The following RBBP8NL variants were observed in gnomAD, a reference collection of about 807,000 sequenced individuals.
RBBP8NL encodes RBBP8 N-terminal like, also known as RBBP8 N-terminal-like protein.
RBBP8NL carries 59 observed loss-of-function variants against 62.2 expected under a neutral mutation model. The ratio of observed to expected loss-of-function variants is 0.95; its 90% CI spans 0.77 to 1.18. The LOEUF is 1.18. RBBP8NL is among the 50% of genes most tolerant of loss of function. The probability of loss-of-function intolerance (pLI) is 0.00; values close to 1 mark genes in which losing one functional copy is unlikely to be tolerated. For missense variants in RBBP8NL, 896 were observed against 899.5 expected, an observed-to-expected ratio of 1.00 and a Z score of 0.05; for synonymous variants, 412 against 394.1, an observed-to-expected ratio of 1.05 and a Z score of -0.54.
intron 13 of RBBP8NL, among the ~76,000 whole-genome samples, chr20:62,411,578 A>G (rs1988435706): frequency 6.6e-6 from 1 of 152,222 alleles, no homozygotes; most frequent in African/African-American, 2.4e-5. Context: ...CAGGGTCATA[A>G]GGCTCACAGG....
chr20:62,410,760 GTCT>G lies in RBBP8NL; in HGVS notation c.*115_*117del. 6 of 718,204 alleles carry G rather than the reference GTCT, an allele frequency of 8.4e-6. No homozygotes were observed. In the South Asian group the frequency reaches 1.0e-4, roughly 12 times the overall value. The allele number at this position is 718,204 out of a possible 1,614,324, so 44.5% of individuals were successfully genotyped here. A position where few individuals can be genotyped will look rare whatever the true frequency, so the allele number is the denominator to read the frequency against. ...TGTGGGTTCAGCTGAGGCTGGCTAG[GTCT>G]TCTCCCAGGGTTCTGTGCAGGGCTG... On this transcript the variant is annotated 3_prime_UTR_variant, in exon 14 of 14. Coordinates refer to ENST00000252998, the MANE Select transcript of RBBP8NL (RefSeq NM_080833.3).
chr20:62,414,921 A>G (rs1988527463), intron 9 of RBBP8NL, among the ~76,000 whole-genome samples, 200 bp downstream of exon 9: 1 of 152,168 alleles, frequency 6.6e-6, no homozygotes, highest in Non-Finnish European at 1.5e-5. Context: ...CAATGTCCAC[A>G]TCCCCTGCCC....
In RBBP8NL at chr20:62,415,643, T is replaced by C; in HGVS notation, c.562A>G (p.Arg188Gly). 6.2e-7 allele frequency: 1 copy of C among 1,612,984 alleles called. No individual in the cohort carries two copies. Among genetic ancestry groups the C allele is most frequent in the South Asian group, 1.1e-5 (1 of 91,088 alleles). ...LRGEEKPAGH[R>G]TSPVAKISPG... ...GAGATTTTGGCCACTGGAGATGTCC[T>C]GTGCCCTGCTGGCTTTTCTGTGGGA... Residue 188 changes from arginine to glycine, a missense_variant, in exon 8 of 14, where the codon AGG (arginine) becomes GGG (glycine). Transcript: ENST00000252998.
chr20:62,417,181 C>T (rs1428268684), intron 4 of RBBP8NL, 43 bp downstream of exon 4: 1 of 1,464,168 alleles, frequency 6.8e-7, no homozygotes, highest in Non-Finnish European at 9.4e-7. Flanking sequence ...TCTCCTGAGC[C>T]CACCGGTCCT....
At chr20:62,426,420 A>G (rs1351411739) in intron 1 of RBBP8NL, among the ~76,000 whole-genome samples, 1 of 152,192 alleles carries the variant, frequency 6.6e-6, no homozygotes, top group Admixed American at 6.5e-5. Flanking sequence ...TGGAACACCC[A>G]CTGCATAGCT....
rs374565784 is a variant in RBBP8NL, at chr20:62,416,204, C to T, written c.346G>A (p.Glu116Lys). The change falls in exon 6 of 14, where the codon GAG (glutamate) becomes AAG (lysine). Residue 116 changes from glutamate (E) to lysine (K), a missense_variant. Glu to Lys is a moderately conservative substitution (Grantham distance 56). Coordinates refer to ENST00000252998, the MANE Select transcript of RBBP8NL (RefSeq NM_080833.3). ...NEMNGLKEENETLKEEVKRLR... is the reference protein window; with the variant it reads ...NEMNGLKEENKTLKEEVKRLR... ...CGCTTCACCTCCTCCTTCAAGGTCT[C>T]GTTCTCTTCCTTCAGCCCGTTCATC... 52 of 1,599,844 alleles carry T rather than the reference C, an allele frequency of 3.3e-5. 1 individual carries two copies. Among genetic ancestry groups the T allele is most frequent in the Admixed American group, 3.2e-4 (19 of 59,358 alleles).
intron 1 of RBBP8NL, among the ~76,000 whole-genome samples, chr20:62,426,017 CGGCAGT>C (rs1988797931): frequency 3.5e-5 from 2 of 56,762 alleles, no homozygotes; most frequent in South Asian, 7.9e-4. Context: ...GCAGTGGCAG[CGGCAGT>C]GGCATTAGCA....
rs1988578892 is a variant in RBBP8NL at position 62,416,823 on chromosome 20, TG to T, written c.249del (p.Arg84GlyfsTer25). 6.3e-7 allele frequency: 1 copy of T among 1,586,710 alleles called. No individual in the cohort carries two copies. The highest frequency in any genetic ancestry group is 1.3e-5 in the African/African-American group (1 of 74,352). ...CTCTCGAACTCCTGCTGCCGCTTCCTGGCCAGCTCCTGGGTGACCATGCAGC... is the reference window on the plus strand; with the variant it reads ...CTCTCGAACTCCTGCTGCCGCTTCCTGCCAGCTCCTGGGTGACCATGCAGC... ...CDRCMVTQEL[A>X]RKRQQEFESS... On this transcript the variant is annotated frameshift_variant, in exon 5 of 14. Transcript: ENST00000252998. LOFTEE classifies it high-confidence loss of function.
intron 1 of RBBP8NL, among the ~76,000 whole-genome samples, chr20:62,421,176 G>C (rs1988688794): frequency 6.6e-6 from 1 of 152,266 alleles, no homozygotes; most frequent in Middle Eastern, 3.2e-3. Flanking sequence ...TCTTCACCGG[G>C]TGGCTTGTGC....
rs559096697 is a variant in RBBP8NL, at chr20:62,420,037, C to T, written c.-83-307G>A. ...GAGTGCCGGCACCTCTGAGCCACCCCGTTCTCCCCAGGTATCCAGCCCATC... is the reference window on the plus strand; with the variant it reads ...GAGTGCCGGCACCTCTGAGCCACCCTGTTCTCCCCAGGTATCCAGCCCATC... On this transcript the variant is annotated intron_variant, in intron 1 of 13. Transcript: ENST00000252998. Among the ~76,000 whole-genome samples the T allele has an allele frequency of 2.5e-4, 38 of 152,258 alleles. 1 individual carries two copies. Among genetic ancestry groups the T allele is most frequent in the African/African-American group, 8.7e-4 (36 of 41,548 alleles).
rs1988778723 is a variant in RBBP8NL, at chr20:62,425,097, C to A, written c.-84+2363G>T. Among the ~76,000 whole-genome samples the A allele has an allele frequency of 9.2e-5, 14 of 152,302 alleles. 1 individual carries two copies. The South Asian group carries it at 2.7e-3, about 29-fold the overall frequency. ...TTCCTCACCTGGGGGTGACAGCACC[C>A]CTGCCCCTGTATCAGGCTGCTTAGA... On this transcript the variant is annotated intron_variant, in intron 1 of 13. Transcript: ENST00000252998.
At chr20:62,416,123 G>A in intron 6 of RBBP8NL, 41 bp downstream of exon 6, 1 of 1,575,556 alleles carries the variant, frequency 6.3e-7, no homozygotes, top group African/African-American at 1.3e-5. Flanking sequence ...GGGGGTGCTG[G>A]GGAGTTGGGT....
rs760722909 is a variant in RBBP8NL at position 62,416,743 on chromosome 20, T to C, written c.313+17A>G. 1.9e-6 allele frequency: 3 copies of C among 1,549,070 alleles called. No individual in the cohort carries two copies. The highest frequency in any genetic ancestry group is 4.7e-5 in the East Asian group (2 of 42,478). On this transcript the variant is annotated intron_variant, in intron 5 of 13. Transcript: ENST00000252998. ...CCCGTGGGAGAGGACCCCGGTTGTCTGGTGGGTGGGGCTCACTGAGGATGA... is the reference window on the plus strand; with the variant it reads ...CCCGTGGGAGAGGACCCCGGTTGTCCGGTGGGTGGGGCTCACTGAGGATGA...
intron 10 of RBBP8NL, 60 bp downstream of exon 10, chr20:62,413,761 G>C: frequency 6.6e-7 from 1 of 1,518,710 alleles, no homozygotes; most frequent in African/African-American, 1.4e-5. Context: ...GGGGAGGCCG[G>C]CCCGGGGTGG....
chr20:62,422,109 C>T (rs573921262), intron 1 of RBBP8NL, among the ~76,000 whole-genome samples: 24 of 152,310 alleles, frequency 1.6e-4, no homozygotes, highest in Admixed American at 7.8e-4. Context: ...AGATGTGCAC[C>T]GCTCTGCTCA....
At chr20:62,421,390 CAA>C (rs1403435244) in intron 1 of RBBP8NL, among the ~76,000 whole-genome samples, 6 of 135,066 alleles carry the variant, frequency 4.4e-5, no homozygotes, top group East Asian at 2.3e-4. Context: ...TGTGCACACC[CAA>C]GTCAGTGTGC....
At chr20:62,413,313 C>T in intron 11 of RBBP8NL, 88 bp downstream of exon 11, 1 of 1,351,258 alleles carries the variant, frequency 7.4e-7, no homozygotes, top group Non-Finnish European at 9.6e-7. Context: ...CTGGAGACAC[C>T]CACTCCTGGT....
In RBBP8NL at chr20:62,414,561, G is replaced by A; in HGVS notation, c.795-5C>T. ...GGCCGGGAGGCCCGCAGGAAGCTGT[G>A]AGGGAGGAGAAGCCGAATGACCATG... On this transcript the variant is annotated splice_region_variant and splice_polypyrimidine_tract_variant and intron_variant, in intron 9 of 13. Coordinates refer to ENST00000252998, the MANE Select transcript of RBBP8NL (RefSeq NM_080833.3). 2.1e-6 allele frequency: 3 copies of A among 1,423,180 alleles called. No homozygotes were observed. In the South Asian group the frequency reaches 5.0e-5, roughly 24 times the overall value. 88.2% of individuals were successfully genotyped at this position (1,423,180 alleles called of 1,614,324 possible). A position where few individuals can be genotyped will look rare whatever the true frequency, so the allele number is the denominator to read the frequency against.
rs531336123 is a variant in RBBP8NL, at chr20:62,414,107, C to T, written c.1244G>A (p.Arg415Gln). Residue 415 changes from arginine to glutamine, a missense_variant, in exon 10 of 14, where the codon CGG becomes CAG. Arg to Gln is a conservative substitution (Grantham distance 43). Transcript: ENST00000252998. ...ALAAAGLSGG[R>Q]HTQPAGPGRA... The stretch of plus-strand genomic sequence containing the variant: ...GCCCGGGCCTGCAGGCTGTGTGTGC[C>T]GCCCTCCAGACAGGCCTGCTGCGGC... 4.4e-5 allele frequency: 70 copies of T among 1,593,384 alleles called. No homozygotes were observed. The South Asian group carries it at 6.2e-4, about 14-fold the overall frequency.
Sources: gnomAD v4.1 joint callset for allele counts (sites outside exome capture counted in the v4.1 genomes callset) on GRCh38, gnomAD v4.1.1 for gene constraint, MANE v1.5 for transcripts, NCBI Gene and HGNC (gene_info 2026-07-23, HGNC 2026-07-21) for gene names.